The following TRHDE variants were observed in gnomAD, a reference collection of about 807,000 sequenced individuals.
TRHDE encodes thyrotropin releasing hormone degrading enzyme.
A neutral mutation model predicts 125.7 loss-of-function variants in TRHDE; 72 were observed. That is an observed-to-expected ratio of 0.57 (90% CI 0.47 to 0.70). The LOEUF (loss-of-function observed/expected upper bound fraction) is 0.70. TRHDE is among the 30% of genes least tolerant of loss of function. TRHDE has a pLI of 0.00. For missense variants in TRHDE, 1,110 were observed against 1,327.1 expected, an observed-to-expected ratio of 0.84 and a Z score of 2.54; for synonymous variants, 509 against 509.1, an observed-to-expected ratio of 1.00 and a Z score of 0.00.
intron 2 of TRHDE, among the ~76,000 whole-genome samples, chr12:72,251,617 T>C (rs568690649): frequency 6.6e-6 from 1 of 152,216 alleles, no homozygotes; most frequent in East Asian, 1.9e-4. Context: ...AAAAATGCTA[T>C]TATGAACATT....
intron 6 of TRHDE, among the ~76,000 whole-genome samples, chr12:72,539,021 C>T (rs748260928): frequency 2.0e-5 from 3 of 151,830 alleles, no homozygotes; most frequent in South Asian, 2.1e-4. Context: ...TCCACTTTCA[C>T]GCCTATTTGA....
chr12:72,359,283 A>T (rs1870961714), intron 2 of TRHDE, among the ~76,000 whole-genome samples: 1 of 151,694 alleles, frequency 6.6e-6, no homozygotes, highest in Admixed American at 6.6e-5. Context: ...GAACTTCCTT[A>T]TCTTGCAAGC....
intron 2 of TRHDE, among the ~76,000 whole-genome samples, chr12:72,160,051 A>AT (rs1876601345): frequency 6.6e-6 from 1 of 151,846 alleles, no homozygotes; most frequent in Non-Finnish European, 1.5e-5. Flanking sequence ...CCATGCTTTT[A>AT]TTTTTTCTTC....
chr12:72,509,084 G>A (rs1045037250), intron 6 of TRHDE, among the ~76,000 whole-genome samples: 5 of 151,954 alleles, frequency 3.3e-5, no homozygotes, highest in African/African-American at 9.7e-5. Flanking sequence ...ATAGCAATGC[G>A]AGAATAGACT....
intron 5 of TRHDE, among the ~76,000 whole-genome samples, chr12:72,482,618 G>T (rs534479389): frequency 2.0e-5 from 3 of 151,870 alleles, no homozygotes; most frequent in Non-Finnish European, 4.4e-5. Flanking sequence ...TGCAAGATAG[G>T]TTACTTAAAT....
At chr12:72,246,841 A>G (rs1878584399) in intron 2 of TRHDE, among the ~76,000 whole-genome samples, 1 of 152,164 alleles carries the variant, frequency 6.6e-6, no homozygotes, top group Non-Finnish European at 1.5e-5. Flanking sequence ...TGTTTTTCTT[A>G]TTCCAAACCT....
At chr12:72,207,243 A>G (rs1261101628) in intron 2 of TRHDE, among the ~76,000 whole-genome samples, 2 of 152,230 alleles carry the variant, frequency 1.3e-5, no homozygotes, top group Non-Finnish European at 2.9e-5. Flanking sequence ...GGGCTATTAC[A>G]TAAGGTCCAG....
chr12:72,648,914 G>T (rs1292719111), intron 15 of TRHDE, among the ~76,000 whole-genome samples: 3 of 151,922 alleles, frequency 2.0e-5, no homozygotes, highest in African/African-American at 7.2e-5. Flanking sequence ...GACACAAATG[G>T]AAAGCCATCT....
intron 5 of TRHDE, among the ~76,000 whole-genome samples, chr12:72,480,811 C>G (rs1212292842): frequency 1.3e-5 from 2 of 152,090 alleles, no homozygotes; most frequent in African/African-American, 4.8e-5. Context: ...TCAGACACCA[C>G]TTGATAAACC....
intron 15 of TRHDE, among the ~76,000 whole-genome samples, chr12:72,635,855 G>A (rs1873720561): frequency 6.6e-6 from 1 of 152,126 alleles, no homozygotes; most frequent in Non-Finnish European, 1.5e-5. Flanking sequence ...CTGTTCCATT[G>A]ATCTATATCT....
chr12:72,161,357 C>T (rs759927829), intron 2 of TRHDE, among the ~76,000 whole-genome samples: 10 of 149,536 alleles, frequency 6.7e-5, no homozygotes, highest in African/African-American at 2.2e-4. Context: ...CGCTTGAACT[C>T]GGGAGGTGGA....
At chr12:72,640,092 C>A (rs1237522913) in intron 15 of TRHDE, among the ~76,000 whole-genome samples, 2 of 152,194 alleles carry the variant, frequency 1.3e-5, no homozygotes, top group African/African-American at 4.8e-5. Context: ...GGTGGACGCC[C>A]CTCCCCCAGC....
At chr12:72,563,138 G>GTAAGTGAAA in intron 9 of TRHDE, 98 bp downstream of exon 9, 1 of 920,528 alleles carries the variant, frequency 1.1e-6, no homozygotes, top group Non-Finnish European at 1.6e-6. Context: ...CTGAAATATT[G>GTAAGTGAAA]TAAGTGAAAT....
intron 12 of TRHDE, among the ~76,000 whole-genome samples, chr12:72,606,108 T>G (rs1319934510): frequency 6.6e-6 from 1 of 152,186 alleles, no homozygotes; most frequent in African/African-American, 2.4e-5. Context: ...CACTTCTGAT[T>G]TAAACACATG....
At chr12:72,390,619 C>T (rs1460204229) in intron 3 of TRHDE, among the ~76,000 whole-genome samples, 1 of 152,138 alleles carries the variant, frequency 6.6e-6, no homozygotes, top group Non-Finnish European at 1.5e-5. Flanking sequence ...AGTCAAAATA[C>T]ATTTTTTTCT....
At chr12:72,278,429 C>A (rs767780028) in intron 1 of TRHDE, among the ~76,000 whole-genome samples, 5 of 152,094 alleles carry the variant, frequency 3.3e-5, no homozygotes, top group African/African-American at 1.2e-4. Flanking sequence ...ATGATGATTT[C>A]TTTTTCTTTG....
At chr12:72,495,059 C>CGTTTTT (rs1877847150) in intron 5 of TRHDE, among the ~76,000 whole-genome samples, 1 of 59,982 alleles carries the variant, frequency 1.7e-5, no homozygotes, top group African/African-American at 7.0e-5. Context: ...GTTCCTCCCC[C>CGTTTTT]GTTTTTTTTT....
intron 2 of TRHDE, among the ~76,000 whole-genome samples, chr12:72,359,357 G>A (rs551587778): frequency 1.3e-5 from 2 of 151,518 alleles, no homozygotes; most frequent in Admixed American, 6.6e-5. Flanking sequence ...TAAGATAAGG[G>A]TACCATCTTT....
At chr12:72,176,999 A>G (rs1040058111) in intron 2 of TRHDE, among the ~76,000 whole-genome samples, 2 of 152,128 alleles carry the variant, frequency 1.3e-5, no homozygotes, top group African/African-American at 4.8e-5. Flanking sequence ...AGCCCAATAG[A>G]TCATGACGAC....
Sources: allele counts gnomAD v4.1 joint callset (sites outside exome capture counted in the v4.1 genomes callset), GRCh38; gene constraint gnomAD v4.1.1; transcripts MANE v1.5; gene names NCBI Gene and HGNC (gene_info 2026-07-23, HGNC 2026-07-21).